VIPR2: variants seen among roughly 807,000 people sequenced by gnomAD.
VIPR2 encodes vasoactive intestinal polypeptide receptor 2.
VIPR2 carries 48 observed loss-of-function variants against 58.0 expected under a neutral mutation model. The ratio of observed to expected loss-of-function variants is 0.83; its 90% CI spans 0.66 to 1.05. VIPR2 has a LOEUF of 1.05. VIPR2 is among the 50% of genes least tolerant of loss of function. The probability of loss-of-function intolerance (pLI) is 0.00; values close to 1 mark genes in which losing one functional copy is unlikely to be tolerated. For missense variants in VIPR2, 534 were observed against 558.0 expected (o/e 0.96, Z 0.43); for synonymous variants, 243 against 235.2 (o/e 1.03, Z -0.30).
At chr7:159,055,005 C>T (rs1173370048) in intron 5 of VIPR2, among the ~76,000 whole-genome samples, 1 of 152,162 alleles carries the variant, frequency 6.6e-6, no homozygotes, top group Admixed American at 6.5e-5. Context: ...TGCATCTGTG[C>T]ATGAGATGAT....
In VIPR2 at chr7:159,106,590, A is replaced by G. The variant is rs116452565; in HGVS notation, c.260-2736T>C. Among the ~76,000 whole-genome samples the G allele has an allele frequency of 3.4e-3, 489 of 141,902 alleles. 4 individuals are homozygous for G. The highest frequency in any genetic ancestry group is 0.012 in the African/African-American group (449 of 36,986). The allele number at this position is 141,902 out of a possible 152,430, so 93.1% of individuals were successfully genotyped here. A position where few individuals can be genotyped will look rare whatever the true frequency, so the allele number is the denominator to read the frequency against. ...AGAGAGAGGCCAGGGAGGGGCACAG[A>G]GAGGCCAGGTAGGTGCTGAGAGAGG... On this transcript the variant is annotated intron_variant, in intron 3 of 12. Transcript: ENST00000262178.
At chr7:159,064,204 C>A (rs992193063) in intron 4 of VIPR2, among the ~76,000 whole-genome samples, 1 of 151,944 alleles carries the variant, frequency 6.6e-6, no homozygotes, top group Non-Finnish European at 1.5e-5. Context: ...GGCGGCCCCA[C>A]GCGCCGGGCC....
intron 4 of VIPR2, among the ~76,000 whole-genome samples, chr7:159,083,989 T>C (rs1360729658): frequency 1.3e-5 from 2 of 152,228 alleles, no homozygotes; most frequent in Admixed American, 6.5e-5. Flanking sequence ...GGATGGGCTC[T>C]GACAAAGTCT....
chr7:159,071,385 G>T (rs547854800), intron 4 of VIPR2, among the ~76,000 whole-genome samples: 67 of 152,282 alleles, frequency 4.4e-4, no homozygotes, highest in African/African-American at 1.5e-3. Context: ...CCTTGGCCTT[G>T]GACCACTCAG....
chr7:159,083,912 A>C (rs888033832), intron 4 of VIPR2, among the ~76,000 whole-genome samples: 4 of 152,208 alleles, frequency 2.6e-5, no homozygotes, highest in African/African-American at 9.6e-5. Flanking sequence ...GGGCTGGTGC[A>C]TGTGAACATT....
At chr7:159,125,807 T>C (rs905964863) in intron 2 of VIPR2, among the ~76,000 whole-genome samples, 4 of 152,106 alleles carry the variant, frequency 2.6e-5, no homozygotes, top group African/African-American at 9.7e-5. Context: ...CAGCTGACCA[T>C]GCAGAGCAAG....
intron 4 of VIPR2, among the ~76,000 whole-genome samples, chr7:159,062,020 G>A (rs1187797464): frequency 2.0e-5 from 3 of 152,230 alleles, no homozygotes; most frequent in Non-Finnish European, 4.4e-5. Context: ...TGGTCTTGCG[G>A]AGCCCCATCC....
intron 2 of VIPR2, among the ~76,000 whole-genome samples, chr7:159,130,584 A>C (rs1219306039): frequency 6.6e-6 from 1 of 151,894 alleles, no homozygotes; most frequent in Non-Finnish European, 1.5e-5. Context: ...CACCCCAGCC[A>C]ATCAGCAGCA....
At chr7:159,032,867 A>G (rs1853678679) in intron 10 of VIPR2, among the ~76,000 whole-genome samples, 1 of 152,128 alleles carries the variant, frequency 6.6e-6, no homozygotes, top group Non-Finnish European at 1.5e-5. Context: ...GTTCAACCTG[A>G]AAGGCAACCA....
intron 2 of VIPR2, among the ~76,000 whole-genome samples, chr7:159,134,295 T>C (rs1797105033): frequency 6.6e-6 from 1 of 152,164 alleles, no homozygotes; most frequent in Non-Finnish European, 1.5e-5. Context: ...GATTAAGAAT[T>C]TGAATTAACA....
chr7:159,077,623 G>A (rs1856704077), intron 4 of VIPR2, among the ~76,000 whole-genome samples: 1 of 151,246 alleles, frequency 6.6e-6, no homozygotes, highest in Non-Finnish European at 1.5e-5. Flanking sequence ...TTCTAGCCCT[G>A]TTCAATGTCT....
intron 4 of VIPR2, among the ~76,000 whole-genome samples, chr7:159,070,499 T>C (rs1458734227): frequency 2.0e-5 from 3 of 152,174 alleles, no homozygotes; most frequent in Non-Finnish European, 4.4e-5. Flanking sequence ...GTGTTTGGTA[T>C]CCTTGGTTAG....
intron 10 of VIPR2, among the ~76,000 whole-genome samples, chr7:159,033,046 C>T (rs558018287): frequency 1.7e-4 from 26 of 152,206 alleles, no homozygotes; most frequent in Non-Finnish European, 3.1e-4. Flanking sequence ...GAATTAGATT[C>T]TCTGGTTTAC....
At chr7:159,066,638 G>T (rs1280443403) in intron 4 of VIPR2, among the ~76,000 whole-genome samples, 1 of 152,248 alleles carries the variant, frequency 6.6e-6, no homozygotes, top group Non-Finnish European at 1.5e-5. Context: ...GGACCAAGCA[G>T]ATTTGTCTGA....
chr7:159,112,524 C>T (rs951465048), intron 2 of VIPR2, among the ~76,000 whole-genome samples: 1 of 152,252 alleles, frequency 6.6e-6, no homozygotes, highest in Non-Finnish European at 1.5e-5. Flanking sequence ...GATGTCACTA[C>T]AGCCTTGCAG....
chr7:159,034,377 G>T, intron 9 of VIPR2, 73 bp from the exon 10 acceptor site: 6 of 1,488,078 alleles, frequency 4.0e-6, no homozygotes, highest in Non-Finnish European at 5.6e-6. Context: ...ACCTGATTTC[G>T]ACCCTCCCCT....
chr7:159,123,095 C>T (rs1167550703), intron 2 of VIPR2, among the ~76,000 whole-genome samples: 1 of 151,962 alleles, frequency 6.6e-6, no homozygotes, highest in Non-Finnish European at 1.5e-5. Flanking sequence ...GAGATTGAGA[C>T]CATCCTGGCT....
chr7:159,082,341 C>T (rs1049405946), intron 4 of VIPR2, among the ~76,000 whole-genome samples: 6 of 152,208 alleles, frequency 3.9e-5, no homozygotes, highest in African/African-American at 1.2e-4. Context: ...TGGAAACCAT[C>T]ATTCTCAGCA....
intron 2 of VIPR2, among the ~76,000 whole-genome samples, chr7:159,130,296 C>T (rs779163628): frequency 2.6e-5 from 4 of 152,134 alleles, no homozygotes; most frequent in Admixed American, 6.6e-5. Context: ...AATGAGAGAC[C>T]ACCGGGCTAG....
Sources: gnomAD v4.1 joint callset for allele counts (sites outside exome capture counted in the v4.1 genomes callset) on GRCh38, gnomAD v4.1.1 for gene constraint, MANE v1.5 for transcripts, NCBI Gene and HGNC (gene_info 2026-07-23, HGNC 2026-07-21) for gene names.